The following THOC2 variants were observed in gnomAD, a reference collection of about 807,000 sequenced individuals.
The protein encoded by THOC2 is THO complex subunit 2.
In THOC2, 10 loss-of-function variants were observed where a neutral mutation model predicts 128.4. The ratio of observed to expected loss-of-function variants is 0.08; its 90% CI spans 0.05 to 0.13. The LOEUF (loss-of-function observed/expected upper bound fraction) is 0.13. Among genes scored for constraint, THOC2 ranks in the 10% least tolerant of loss-of-function variants. The pLI is 1.00. For synonymous variants in THOC2, 393 were observed against 396.9 expected, an observed-to-expected ratio of 0.99 and a Z score of 0.12; for missense variants, 535 against 1,155.7, an observed-to-expected ratio of 0.46 and a Z score of 7.79.
At chrX:123,714,157 T>G (rs2051311587) in intron 1 of THOC2, among the ~76,000 whole-genome samples, 1 of 112,152 alleles carries the variant, frequency 8.9e-6, no homozygotes, top group South Asian at 3.7e-4. Context: ...GAAAAACAAT[T>G]AACAAAATGG....
intron 1 of THOC2, among the ~76,000 whole-genome samples, chrX:123,716,496 C>T (rs764746884): frequency 1.4e-4 from 15 of 110,929 alleles, no homozygotes; most frequent in African/African-American, 3.9e-4. Flanking sequence ...GAGGCCGAGG[C>T]GGGTGAATCA....
At chrX:123,675,505 G>A (rs2049450208) in intron 8 of THOC2, among the ~76,000 whole-genome samples, 1 of 110,031 alleles carries the variant, frequency 9.1e-6, no homozygotes, top group Non-Finnish European at 1.9e-5. Context: ...GTCAGGCATG[G>A]TGGTGCGCAC....
At chrX:123,663,623 G>GTTT (rs754845207) in intron 12 of THOC2, among the ~76,000 whole-genome samples, 1,514 of 100,142 alleles carry the variant, frequency 0.015, 28 homozygotes, top group African/African-American at 0.051. Context: ...GTACTATTCT[G>GTTT]TTTTTTTTTT....
At chrX:123,628,545 C>G (rs1208481070) in intron 22 of THOC2, among the ~76,000 whole-genome samples, 3 of 109,366 alleles carry the variant, frequency 2.7e-5, no homozygotes, top group Non-Finnish European at 5.7e-5. Flanking sequence ...ATGTCAAAAC[C>G]CCATCTCTAC....
intron 12 of THOC2, among the ~76,000 whole-genome samples, chrX:123,661,064 C>A (rs1031269654): frequency 1.8e-5 from 2 of 112,418 alleles, no homozygotes; most frequent in African/African-American, 6.5e-5. Context: ...ATAAGCCAGG[C>A]ACAGAAAGAC....
intron 38 of THOC2, among the ~76,000 whole-genome samples, chrX:123,604,368 TTTG>T (rs1340514534): frequency 9.0e-6 from 1 of 110,664 alleles, no homozygotes; most frequent in Non-Finnish European, 1.9e-5. Context: ...TCCTGAGTTG[TTTG>T]TTTTTTTTTT....
intron 2 of THOC2, among the ~76,000 whole-genome samples, chrX:123,707,925 C>T (rs1269861464): frequency 1.9e-5 from 2 of 104,837 alleles, no homozygotes; most frequent in Admixed American, 2.1e-4. Flanking sequence ...CCTAGGAGTT[C>T]GAAACCAGCC....
intron 36 of THOC2, among the ~76,000 whole-genome samples, chrX:123,612,450 TATTTC>T (rs2046735108): frequency 8.9e-6 from 1 of 112,128 alleles, no homozygotes; most frequent in Admixed American, 9.5e-5. Flanking sequence ...ATTATTGTAC[TATTTC>T]ATTTATATAA....
chrX:123,644,516 G>A, intron 15 of THOC2, 59 bp downstream of exon 15: 1 of 894,588 alleles, frequency 1.1e-6, no homozygotes, highest in Non-Finnish European at 1.5e-6. Context: ...CTACCTGAAA[G>A]AAAGTATATT....
intron 25 of THOC2, among the ~76,000 whole-genome samples, chrX:123,625,159 T>C (rs2147605636): frequency 8.9e-6 from 1 of 111,856 alleles, no homozygotes; most frequent in African/African-American, 3.2e-5. Context: ...TGGTGTGATC[T>C]AGGCTCACTG....
At chrX:123,728,535 G>A (rs996248291) in intron 1 of THOC2, among the ~76,000 whole-genome samples, 1 of 110,888 alleles carries the variant, frequency 9.0e-6, no homozygotes, top group Non-Finnish European at 1.9e-5. Context: ...ATAAAGCTTT[G>A]GCTGAATTTG....
rs928712231 is a variant in THOC2 at position 123,623,987 on chromosome X, T to C, written c.3319-16A>G. ...GTACCGATGCCTACAACAAACATTT[T>C]CAGATCCATTATTATAAAAGCACAA... On this transcript the variant is annotated splice_polypyrimidine_tract_variant and intron_variant, in intron 27 of 38. Coordinates refer to ENST00000245838, the MANE Select transcript of THOC2 (RefSeq NM_001081550.2). 2 of 1,185,515 alleles carry C rather than the reference T, an allele frequency of 1.7e-6. No homozygotes were observed. The highest frequency in any genetic ancestry group is 3.9e-5 in the South Asian group (2 of 51,839).
At position 123,608,219 on chromosome X, in the gene THOC2, T is replaced by G. The variant is rs1307325222; in HGVS notation, c.*18+2699A>C. Among the ~76,000 whole-genome samples the G allele has an allele frequency of 0.012, 890 of 74,715 alleles. No individual in the cohort carries two copies. The Middle Eastern group carries it at 0.12, about 10-fold the overall frequency. The allele number at this position is 74,715 out of a possible 115,157, so 64.9% of individuals were successfully genotyped here. On this transcript the variant is annotated intron_variant, in intron 38 of 38. Transcript: ENST00000245838. The stretch of plus-strand genomic sequence containing the variant: ...AGTTCAAGACCAGCCTGGCCAACAT[T>G]GTGAAACCCCGTCTCTACTAAAAAT...
chrX:123,680,652 T>TA (rs1338963731), intron 8 of THOC2, among the ~76,000 whole-genome samples: 1 of 111,066 alleles, frequency 9.0e-6, no homozygotes, highest in Non-Finnish European at 1.9e-5. Flanking sequence ...GTCGATTATC[T>TA]ACACTTGGAT....
chrX:123,690,937 C>T (rs2050195640), intron 7 of THOC2, among the ~76,000 whole-genome samples: 1 of 112,273 alleles, frequency 8.9e-6, no homozygotes, highest in African/African-American at 3.2e-5. Context: ...CAAGGCCAGG[C>T]ATGGTGGCTC....
chrX:123,689,284 A>G (rs2050127856), intron 7 of THOC2, among the ~76,000 whole-genome samples: 1 of 112,129 alleles, frequency 8.9e-6, no homozygotes. Context: ...ACTTTTACTT[A>G]TAACAGGTAT....
chrX:123,719,363 T>C (rs183418751), intron 1 of THOC2, among the ~76,000 whole-genome samples: 48 of 110,859 alleles, frequency 4.3e-4, no homozygotes, highest in African/African-American at 1.4e-3. Context: ...AGAATGGCTA[T>C]TATCAAAAAG....
intron 8 of THOC2, among the ~76,000 whole-genome samples, chrX:123,677,133 T>C (rs1352806713): frequency 1.8e-5 from 2 of 111,958 alleles, no homozygotes; most frequent in Non-Finnish European, 3.8e-5. Flanking sequence ...TATTGAATAC[T>C]ATAGGCAACT....
At chrX:123,669,448 C>G (rs1176778642) in intron 9 of THOC2, among the ~76,000 whole-genome samples, 1 of 110,295 alleles carries the variant, frequency 9.1e-6, no homozygotes, top group African/African-American at 3.3e-5. Context: ...TCTCGAGTAG[C>G]TGGGATTACA....
Sources: allele counts gnomAD v4.1 joint callset (sites outside exome capture counted in the v4.1 genomes callset), GRCh38; gene constraint gnomAD v4.1.1; transcripts MANE v1.5; gene names NCBI Gene and HGNC (gene_info 2026-07-23, HGNC 2026-07-21).